Variants in ATG14 observed in about 807,000 individuals in gnomAD.
The protein encoded by ATG14 is autophagy related 14.
A neutral mutation model predicts 60.4 loss-of-function variants in ATG14; 35 were observed. The ratio of observed to expected loss-of-function variants is 0.58; its 90% confidence interval spans 0.44 to 0.77. The LOEUF is 0.77. ATG14 is among the 30% of genes least tolerant of loss of function. The pLI is 0.00. For missense variants in ATG14, 647 were observed against 626.3 expected, an observed-to-expected ratio of 1.03 and a Z score of -0.35; for synonymous variants, 234 against 228.8, an observed-to-expected ratio of 1.02 and a Z score of -0.21.
chr14:55,386,003 T>C lies in ATG14; in HGVS notation c.503A>G (p.His168Arg). ...HQEKKEKIQR[H>R]NRKLGDLVEK... ...TACCAGGTCACCAAGTTTGCGATTA[T>C]GCCTCTGAATCTTCTCCTTTTTCTC... Residue 168 changes from histidine to arginine, a missense_variant, in exon 5 of 10, where the codon CAT (histidine) becomes CGT (arginine). By Grantham distance (29) the His-to-Arg change is conservative (BLOSUM62 0). Transcript: ENST00000247178. 6.2e-7 allele frequency: 1 copy of C among 1,614,228 alleles called. No individual in the cohort carries two copies. The highest frequency in any genetic ancestry group is 8.5e-7 in the Non-Finnish European group (1 of 1,180,040).
chr14:55,400,450 C>T (rs1885378529), intron 1 of ATG14, among the ~76,000 whole-genome samples: 3 of 152,216 alleles, frequency 2.0e-5, no homozygotes, highest in African/African-American at 7.2e-5. Flanking sequence ...AGGTACACGG[C>T]ATTTCACTGG....
rs1404286885 is a variant in ATG14, at chr14:55,390,901, A to G, written c.409+10T>C. 1.3e-6 allele frequency: 2 copies of G among 1,560,810 alleles called. No individual in the cohort carries two copies. Among genetic ancestry groups the G allele is most frequent in the South Asian group, 2.3e-5 (2 of 87,002 alleles). ...TTCTAGGGCTGGAAGGAAGGACACGAATTACTTACTTTTCTCCATTTCTTC... is the reference window on the plus strand; with the variant it reads ...TTCTAGGGCTGGAAGGAAGGACACGGATTACTTACTTTTCTCCATTTCTTC... On this transcript the variant is annotated intron_variant, in intron 4 of 9. Coordinates refer to ENST00000247178, the MANE Select transcript of ATG14 (RefSeq NM_014924.5).
At chr14:55,378,299 C>T (rs566957670) in intron 7 of ATG14, among the ~76,000 whole-genome samples, 3 of 152,290 alleles carry the variant, frequency 2.0e-5, no homozygotes, top group South Asian at 4.1e-4. Context: ...AGCAATTCCA[C>T]GTCAGGACAT....
chr14:55,403,759 T>G (rs909163706), intron 1 of ATG14, among the ~76,000 whole-genome samples: 1 of 152,174 alleles, frequency 6.6e-6, no homozygotes, highest in South Asian at 2.1e-4. Flanking sequence ...CATAGGATAT[T>G]GAGGACTGTG....
rs1404920079 is a variant in ATG14, at chr14:55,367,003, G to A, written c.*2616C>T. On this transcript the variant is annotated 3_prime_UTR_variant, in exon 10 of 10. Transcript: ENST00000247178. ...GGTGTTCAAAACCACAAAAGGGTTC[G>A]ATCACTTAACCCTATGTAAAGTGCC... 1 of 152,586 alleles carries A rather than the reference G, an allele frequency of 6.6e-6. No individual in the cohort carries two copies. The highest frequency in any genetic ancestry group is 1.9e-4 in the East Asian group (1 of 5,206). 9.5% of individuals were successfully genotyped at this position (152,586 alleles called of 1,614,324 possible).
In ATG14 at chr14:55,399,308, G is replaced by A. The variant is rs115523056; in HGVS notation, c.222-1874C>T. Among the ~76,000 whole-genome samples, 994 of 152,276 alleles carry A rather than the reference G, an allele frequency of 6.5e-3. 7 individuals carry two copies. The highest frequency in any genetic ancestry group is 0.023 in the African/African-American group (935 of 41,540). On this transcript the variant is annotated intron_variant, in intron 1 of 9. Transcript: ENST00000247178. ...ATATTAAAAGTTCAGTTCCTCAGTT[G>A]TACTGCCATCCACATTCCAACAGCC...
intron 1 of ATG14, among the ~76,000 whole-genome samples, chr14:55,404,019 A>G (rs570542232): frequency 1.1e-4 from 17 of 152,316 alleles, no homozygotes; most frequent in Admixed American, 9.1e-4. Context: ...GGAAATGGTC[A>G]CTGAGAGTTA....
At chr14:55,402,966 T>TATATATATAAATAA (rs1476398158) in intron 1 of ATG14, among the ~76,000 whole-genome samples, 4 of 59,080 alleles carry the variant, frequency 6.8e-5, no homozygotes, top group Non-Finnish European at 9.9e-5. Flanking sequence ...TATATATATA[T>TATATATATAAATAA]ATAAATAGCT....
Position 55,367,979 on chromosome 14 carries a change from A to G in ATG14, c.*1640T>C, listed in dbSNP as rs970672659. 1 of 152,638 alleles carries G rather than the reference A, an allele frequency of 6.6e-6. No individual in the cohort carries two copies. The highest frequency in any genetic ancestry group is 1.5e-5 in the Non-Finnish European group (1 of 68,038). The allele number at this position is 152,638 out of a possible 1,614,324, so 9.5% of individuals were successfully genotyped here. A position where few individuals can be genotyped will look rare whatever the true frequency, so the allele number is the denominator to read the frequency against. On this transcript the variant is annotated 3_prime_UTR_variant, in exon 10 of 10. Coordinates refer to ENST00000247178, the MANE Select transcript of ATG14 (RefSeq NM_014924.5). The stretch of plus-strand genomic sequence containing the variant: ...TGAGAAAAGAAGCTGGGGCATGGCA[A>G]ACCTCTGAATGATTTATCAGAGGTG...
At position 55,369,678 on chromosome 14, in the gene ATG14, T is replaced by C; in HGVS notation, c.1420A>G (p.Ile474Val). ...PIASSSAGGM[I>V]SSAAASVTSW... is the part of the protein sequence containing the mutation. ...GTCACCGAGGCTGCTGCAGAGGAGA[T>C]CATCCCACCTGCACTGCTGCTCGCG... The change falls in exon 10 of 10, where the codon ATC becomes GTC. Residue 474 changes from isoleucine to valine, a missense_variant. Coordinates refer to ENST00000247178, the MANE Select transcript of ATG14 (RefSeq NM_014924.5). 1 of 1,582,216 alleles carries C rather than the reference T, an allele frequency of 6.3e-7. No individual in the cohort carries two copies. The highest frequency in any genetic ancestry group is 8.6e-7 in the Non-Finnish European group (1 of 1,160,812).
intron 1 of ATG14, among the ~76,000 whole-genome samples, chr14:55,411,388 G>T (rs1885568825): frequency 6.6e-6 from 1 of 152,194 alleles, no homozygotes; most frequent in Non-Finnish European, 1.5e-5. Context: ...CCTCTTGGGT[G>T]GGTGATGGGG....
At chr14:55,410,754 T>G (rs1885558077) in intron 1 of ATG14, among the ~76,000 whole-genome samples, 2 of 152,200 alleles carry the variant, frequency 1.3e-5, no homozygotes, top group Non-Finnish European at 2.9e-5. Context: ...GATAAGTCAT[T>G]CGGTTGTTGC....
intron 4 of ATG14, among the ~76,000 whole-genome samples, chr14:55,390,577 T>G (rs929094072): frequency 6.6e-6 from 1 of 151,758 alleles, no homozygotes; most frequent in Non-Finnish European, 1.5e-5. Flanking sequence ...TTCACCATGT[T>G]AGTCAGGATG....
intron 3 of ATG14, 115 bp downstream of exon 3, chr14:55,395,825 A>C (rs1236135266): frequency 3.3e-5 from 21 of 631,432 alleles, no homozygotes; most frequent in Non-Finnish European, 5.0e-5. Context: ...CAAGTGGATT[A>C]AGTAGAGGAC....
In ATG14 at chr14:55,382,205, GAC is replaced by G. The variant is rs1885047815; in HGVS notation, c.648-16_648-15del. Reference sequence around the variant, plus strand: ...TCTGCGGGGTCTCTACAAGTAGGAAGACACACACGGATTTTCAAGAGAGAGGG... The same window carrying G: ...TCTGCGGGGTCTCTACAAGTAGGAAGACACACGGATTTTCAAGAGAGAGGG... On this transcript the variant is annotated splice_polypyrimidine_tract_variant and intron_variant, in intron 5 of 9. Transcript: ENST00000247178. The G allele has an allele frequency of 6.2e-7, 1 of 1,611,918 alleles. No homozygotes were observed. The highest frequency in any genetic ancestry group is 2.2e-5 in the East Asian group (1 of 44,862).
At chr14:55,409,671 A>T (rs1346078281) in intron 1 of ATG14, among the ~76,000 whole-genome samples, 1 of 152,198 alleles carries the variant, frequency 6.6e-6, no homozygotes, top group Admixed American at 6.5e-5. Context: ...GGTATGTTTG[A>T]GGACAGACAA....
chr14:55,402,390 C>T (rs934848162), intron 1 of ATG14, among the ~76,000 whole-genome samples: 2 of 152,008 alleles, frequency 1.3e-5, no homozygotes, highest in Admixed American at 6.6e-5. Context: ...AAAAAATATT[C>T]GACCTTTTGA....
At chr14:55,371,212 T>C (rs1884809613) in intron 9 of ATG14, among the ~76,000 whole-genome samples, 1 of 152,194 alleles carries the variant, frequency 6.6e-6, no homozygotes, top group Non-Finnish European at 1.5e-5. Context: ...CAGGCAGAAA[T>C]GAGAGCCTAG....
chr14:55,373,553 G>A (rs1229501340), intron 9 of ATG14, among the ~76,000 whole-genome samples: 1 of 152,096 alleles, frequency 6.6e-6, no homozygotes, highest in African/African-American at 2.4e-5. Flanking sequence ...TCCGCCTCCT[G>A]GGTTCAAGCG....
Sources: allele counts gnomAD v4.1 joint callset (sites outside exome capture counted in the v4.1 genomes callset), GRCh38; gene constraint gnomAD v4.1.1; transcripts MANE v1.5; gene names NCBI Gene and HGNC (gene_info 2026-07-23, HGNC 2026-07-21).